Variants in CCSER1 observed in about 807,000 individuals in gnomAD.
CCSER1 encodes coiled-coil serine rich protein 1.
A neutral mutation model predicts 82.0 loss-of-function variants in CCSER1; 41 were observed. The ratio of observed to expected loss-of-function variants is 0.50; its 90% CI spans 0.39 to 0.65. The LOEUF is 0.65. CCSER1 is among the 30% of genes least tolerant of loss of function. The pLI, the probability that CCSER1 is intolerant of heterozygous loss-of-function variation, is 0.00. For missense variants in CCSER1, 1,119 were observed against 1,064.2 expected (o/e 1.05, Z -0.72); for synonymous variants, 414 against 383.9 (o/e 1.08, Z -0.92).
At chr4:90,867,617 T>TTGTG (rs1177109550) in intron 8 of CCSER1, among the ~76,000 whole-genome samples, 19 of 152,168 alleles carry the variant, frequency 1.2e-4, no homozygotes, top group African/African-American at 4.3e-4. Context: ...TGTTGTGCTG[T>TTGTG]CAAATACTAG....
At chr4:90,364,284 G>A (rs529371195) in intron 3 of CCSER1, among the ~76,000 whole-genome samples, 1 of 152,054 alleles carries the variant, frequency 6.6e-6, no homozygotes, top group South Asian at 2.1e-4. Context: ...GAAACCATCT[G>A]TCTCCCTCTA....
chr4:90,251,093 A>G (rs899773982), intron 1 of CCSER1, among the ~76,000 whole-genome samples: 10 of 151,922 alleles, frequency 6.6e-5, no homozygotes, highest in Admixed American at 1.3e-4. Context: ...TTGTTTGTGT[A>G]TGTGTATGTG....
At chr4:91,043,122 C>T (rs951176233) in intron 9 of CCSER1, among the ~76,000 whole-genome samples, 2 of 151,084 alleles carry the variant, frequency 1.3e-5, no homozygotes, top group African/African-American at 2.4e-5. Flanking sequence ...AACACCAAAA[C>T]GAACAAAGAG....
At chr4:90,373,685 T>C (rs114184923) in intron 3 of CCSER1, among the ~76,000 whole-genome samples, 2,226 of 152,276 alleles carry the variant, frequency 0.015, 74 homozygotes, top group African/African-American at 0.05. Context: ...AGGTCTTTCA[T>C]GGGAGACAAT....
intron 10 of CCSER1, among the ~76,000 whole-genome samples, chr4:91,414,010 C>T (rs1753214754): frequency 6.6e-6 from 1 of 152,100 alleles, no homozygotes; most frequent in Non-Finnish European, 1.5e-5. Flanking sequence ...GAGAGTTCAT[C>T]ACCAGGAAAG....
chr4:90,378,932 C>T (rs1748783718), intron 3 of CCSER1, among the ~76,000 whole-genome samples: 1 of 152,034 alleles, frequency 6.6e-6, no homozygotes, highest in Non-Finnish European at 1.5e-5. Flanking sequence ...TCCCATTGTT[C>T]ATGGATGTGA....
At chr4:90,526,365 A>C (rs1773758418) in intron 5 of CCSER1, among the ~76,000 whole-genome samples, 3 of 152,170 alleles carry the variant, frequency 2.0e-5, no homozygotes, top group African/African-American at 7.2e-5. Context: ...AACTGCCATG[A>C]GCCTCAGTTT....
intron 3 of CCSER1, among the ~76,000 whole-genome samples, chr4:90,385,137 A>G (rs1749818757): frequency 1.3e-5 from 2 of 152,026 alleles, no homozygotes; most frequent in African/African-American, 2.4e-5. Context: ...CGGTTGATGG[A>G]CACTTAGATT....
chr4:90,891,864 A>T (rs2150116098), intron 8 of CCSER1, among the ~76,000 whole-genome samples: 1 of 152,180 alleles, frequency 6.6e-6, no homozygotes, highest in African/African-American at 2.4e-5. Context: ...TTACTGTTTG[A>T]CATACATCAT....
At chr4:90,750,913 A>T (rs1580300975) in intron 7 of CCSER1, among the ~76,000 whole-genome samples, 2 of 152,280 alleles carry the variant, frequency 1.3e-5, no homozygotes, top group Admixed American at 1.3e-4. Flanking sequence ...ATAAATTGGA[A>T]TTATCTTTTC....
intron 10 of CCSER1, among the ~76,000 whole-genome samples, chr4:91,511,354 G>A (rs1270753500): frequency 1.3e-5 from 2 of 152,200 alleles, no homozygotes; most frequent in East Asian, 1.9e-4. Context: ...TTCTAGTTCT[G>A]TGATAAATGA....
rs755748362 is a variant in CCSER1 at position 91,441,395 on chromosome 4, A to G, written c.2218-157177A>G. Reference sequence around the variant, plus strand: ...CACATGATTATCTCAATAGATGCAGAAAAGGCCTTTGACAAAATTCAACAA... The same window carrying G: ...CACATGATTATCTCAATAGATGCAGGAAAGGCCTTTGACAAAATTCAACAA... On this transcript the variant is annotated intron_variant, in intron 10 of 10. Coordinates refer to ENST00000509176, the MANE Select transcript of CCSER1 (RefSeq NM_001145065.2). Among the ~76,000 whole-genome samples, 65 of 113,946 alleles carry G rather than the reference A, an allele frequency of 5.7e-4. 2 individuals are homozygous for G. Among genetic ancestry groups the G allele is most frequent in the South Asian group, 7.1e-4 (2 of 2,798 alleles). 74.8% of individuals were successfully genotyped at this position (113,946 alleles called of 152,430 possible).
intron 2 of CCSER1, among the ~76,000 whole-genome samples, chr4:90,312,521 A>G (rs961501032): frequency 3.3e-5 from 5 of 152,138 alleles, no homozygotes; most frequent in Admixed American, 6.6e-5. Flanking sequence ...GGAGAATTGT[A>G]GCAAATATTG....
chr4:90,744,934 T>C (rs1747163705), intron 7 of CCSER1, among the ~76,000 whole-genome samples: 2 of 147,996 alleles, frequency 1.4e-5, no homozygotes, highest in Admixed American at 1.3e-4. Flanking sequence ...AAATATGTAC[T>C]AAAAATTCAT....
chr4:91,497,020 CT>C (rs1403144980), intron 10 of CCSER1, among the ~76,000 whole-genome samples: 1 of 150,162 alleles, frequency 6.7e-6, no homozygotes, highest in African/African-American at 2.4e-5. Flanking sequence ...CTATTCTTTT[CT>C]GTATTAGATT....
intron 7 of CCSER1, among the ~76,000 whole-genome samples, chr4:90,772,481 A>G (rs1752329772): frequency 6.6e-6 from 1 of 152,190 alleles, no homozygotes; most frequent in Non-Finnish European, 1.5e-5. Flanking sequence ...ACTTACAGTC[A>G]CTACTGGAAC....
chr4:90,329,153 A>G (rs968347309), intron 3 of CCSER1, among the ~76,000 whole-genome samples: 1 of 152,216 alleles, frequency 6.6e-6, no homozygotes, highest in African/African-American at 2.4e-5. Context: ...ACAAAGTAGG[A>G]AAACTTACAA....
At chr4:90,480,812 G>A (rs1765825914) in intron 5 of CCSER1, among the ~76,000 whole-genome samples, 2 of 152,190 alleles carry the variant, frequency 1.3e-5, no homozygotes, top group Non-Finnish European at 2.9e-5. Context: ...CAGGTAGCAT[G>A]ATGCCTCCAG....
At position 91,182,055 on chromosome 4, in the gene CCSER1, G is replaced by C. The variant is rs540092034; in HGVS notation, c.2217+96061G>C. On this transcript the variant is annotated intron_variant, in intron 10 of 10. Coordinates refer to ENST00000509176, the MANE Select transcript of CCSER1 (RefSeq NM_001145065.2). Reference sequence around the variant, plus strand: ...TGACTGGTTGTCCCACTTTTGTTAGGTTGTCTTTCACCATCTGTGACAGCT... The same window carrying C: ...TGACTGGTTGTCCCACTTTTGTTAGCTTGTCTTTCACCATCTGTGACAGCT... 1.4e-4 allele frequency among the ~76,000 whole-genome samples: 22 copies of C among 152,260 alleles called. 1 individual carries two copies. Among genetic ancestry groups the C allele is most frequent in the Admixed American group, 1.0e-3 (16 of 15,294 alleles).
Sources: gnomAD v4.1 joint callset for allele counts (sites outside exome capture counted in the v4.1 genomes callset) on GRCh38, gnomAD v4.1.1 for gene constraint, MANE v1.5 for transcripts, NCBI Gene and HGNC (gene_info 2026-07-23, HGNC 2026-07-21) for gene names.